The following FAM171B variants were observed in gnomAD, a reference collection of about 807,000 sequenced individuals.
The protein encoded by FAM171B is family with sequence similarity 171 member B, also known as protein FAM171B.
A neutral mutation model predicts 75.6 loss-of-function variants in FAM171B; 19 were observed. The ratio of observed to expected loss-of-function variants is 0.25; its 90% CI spans 0.18 to 0.37. The LOEUF is 0.37. Ranked by LOEUF, FAM171B falls within the 10% of genes least tolerant of loss-of-function variation. The pLI is 1.00. For missense variants in FAM171B, 848 were observed against 982.4 expected, an observed-to-expected ratio of 0.86 and a Z score of 1.83; for synonymous variants, 367 against 361.7, an observed-to-expected ratio of 1.01 and a Z score of -0.17.
At chr2:186,720,228 G>C (rs530892815) in intron 1 of FAM171B, among the ~76,000 whole-genome samples, 6 of 152,266 alleles carry the variant, frequency 3.9e-5, no homozygotes, top group African/African-American at 2.4e-5. Flanking sequence ...AGAAGAGATG[G>C]GGTTTCACCA....
At chr2:186,750,038 A>G (rs1253065646) in intron 4 of FAM171B, among the ~76,000 whole-genome samples, 2 of 152,190 alleles carry the variant, frequency 1.3e-5, no homozygotes, top group East Asian at 3.8e-4. Flanking sequence ...TGGGGCCCAT[A>G]TGAGTACATG....
chr2:186,758,292 G>A (rs1690564312), intron 6 of FAM171B, among the ~76,000 whole-genome samples: 2 of 152,134 alleles, frequency 1.3e-5, no homozygotes. Context: ...AAAATAAATG[G>A]TGAGGTGAGA....
chr2:186,758,129 A>G (rs1380161670), intron 6 of FAM171B, among the ~76,000 whole-genome samples: 2 of 121,904 alleles, frequency 1.6e-5, no homozygotes, highest in African/African-American at 6.0e-5. Flanking sequence ...GCGAAAACTG[A>G]GTGCTTATCG....
chr2:186,696,764 G>T (rs1194685108), intron 1 of FAM171B, among the ~76,000 whole-genome samples: 1 of 151,998 alleles, frequency 6.6e-6, no homozygotes, highest in Non-Finnish European at 1.5e-5. Context: ...GTAACTGACA[G>T]ACCTTTTCCT....
intron 3 of FAM171B, among the ~76,000 whole-genome samples, 177 bp downstream of exon 3, chr2:186,743,752 CT>C (rs1690327375): frequency 6.6e-6 from 1 of 152,140 alleles, no homozygotes; most frequent in African/African-American, 2.4e-5. Flanking sequence ...ATGGTGTGGG[CT>C]TTTTTGTATA....
intron 1 of FAM171B, among the ~76,000 whole-genome samples, chr2:186,731,918 C>T (rs1477252678): frequency 6.6e-6 from 1 of 152,196 alleles, no homozygotes; most frequent in Non-Finnish European, 1.5e-5. Context: ...TGATCTGTCA[C>T]TCTCTCCCAT....
chr2:186,706,106 C>A (rs1434867362), intron 1 of FAM171B, among the ~76,000 whole-genome samples: 4 of 152,102 alleles, frequency 2.6e-5, no homozygotes, highest in Non-Finnish European at 4.4e-5. Flanking sequence ...CTAATCCCTC[C>A]AGGCCTGATT....
rs1398445074 is a variant in FAM171B, at chr2:186,694,094, C to T, written c.-80C>T. 2.9e-6 allele frequency: 4 copies of T among 1,389,024 alleles called. No individual in the cohort carries two copies. Among genetic ancestry groups the T allele is most frequent in the Non-Finnish European group, 3.7e-6 (4 of 1,079,592 alleles). 86.0% of individuals were successfully genotyped at this position (1,389,024 alleles called of 1,614,324 possible). On this transcript the variant is annotated 5_prime_UTR_variant, in exon 1 of 8. Coordinates refer to ENST00000304698, the MANE Select transcript of FAM171B (RefSeq NM_177454.4). ...GCGAGGGGGAGCGAGCGAGCGGGCG[C>T]TGCCAGGAGCCCGCAGCCCTGGCGC...
At chr2:186,727,742 A>G (rs1690057347) in intron 1 of FAM171B, among the ~76,000 whole-genome samples, 1 of 152,134 alleles carries the variant, frequency 6.6e-6, no homozygotes, top group African/African-American at 2.4e-5. Flanking sequence ...TTAGAAAACA[A>G]TTGATATTAT....
At chr2:186,748,086 C>T (rs1478910636) in intron 4 of FAM171B, among the ~76,000 whole-genome samples, 3 of 152,056 alleles carry the variant, frequency 2.0e-5, no homozygotes, top group African/African-American at 7.2e-5. Context: ...CCACACCCAG[C>T]TAATCTTTTT....
intron 1 of FAM171B, 130 bp from the exon 2 acceptor site, chr2:186,740,098 A>C (rs1690265158): frequency 4.8e-6 from 3 of 619,700 alleles, no homozygotes; most frequent in South Asian, 4.5e-5. Flanking sequence ...TATTATATGT[A>C]TTTATGTGTA....
chr2:186,747,388 A>G, intron 4 of FAM171B, 138 bp downstream of exon 4: 1 of 467,748 alleles, frequency 2.1e-6, no homozygotes, highest in Non-Finnish European at 3.4e-6. Flanking sequence ...AAATCTAGTT[A>G]TTAAAATGTA....
chr2:186,731,097 T>C (rs1272490254), intron 1 of FAM171B, among the ~76,000 whole-genome samples: 1 of 152,240 alleles, frequency 6.6e-6, no homozygotes, highest in Non-Finnish European at 1.5e-5. Context: ...TATCATGTTT[T>C]TGGTACTCAA....
Position 186,694,356 on chromosome 2 carries a change from G to A in FAM171B, c.183G>A (p.Glu61=). The A allele has an allele frequency of 6.2e-7, 1 of 1,613,156 alleles. No homozygotes were observed. The highest frequency in any genetic ancestry group is 8.5e-7 in the Non-Finnish European group (1 of 1,179,624). ...QQQQQQKQLE[E]AEEERTEVPG... ...AACAACAGCAAAAGCAGCTGGAGGA[G>A]GCTGAGGAGGAGAGGACAGAGGTGC... Residue 61 remains glutamate (E), a synonymous_variant, in exon 1 of 8, where the codon GAG becomes GAA. Coordinates refer to ENST00000304698, the MANE Select transcript of FAM171B (RefSeq NM_177454.4).
chr2:186,740,940 A>G (rs1389886100), intron 2 of FAM171B, among the ~76,000 whole-genome samples: 1 of 152,218 alleles, frequency 6.6e-6, no homozygotes, highest in Non-Finnish European at 1.5e-5. Context: ...GGCAAAAATA[A>G]TCTTTAAAGA....
chr2:186,694,118 G>T lies in FAM171B; in HGVS notation c.-56G>T. ...GCTGCCAGGAGCCCGCAGCCCTGGC[G>T]CCCGCCGCCGCCCGGAGCCCCGCAA... On this transcript the variant is annotated 5_prime_UTR_variant, in exon 1 of 8. Transcript: ENST00000304698. The T allele has an allele frequency of 4.2e-6, 6 of 1,422,708 alleles. No homozygotes were observed. Among genetic ancestry groups the T allele is most frequent in the Admixed American group, 3.0e-5 (1 of 33,710 alleles). The allele number at this position is 1,422,708 out of a possible 1,614,324, so 88.1% of individuals were successfully genotyped here.
In FAM171B at chr2:186,761,493, C is replaced by T. The variant is rs77331466; in HGVS notation, c.1151C>T (p.Thr384Ile). ...TTCTACTCTAGGGACAAGTGTGGTA[C>T]TCCACAGAAAAGAGAAAGAAATATC... ...LLCYCRDKCG[T>I]PQKRERNITK... Residue 384 changes from threonine (T) to isoleucine (I), a missense_variant, in exon 8 of 8, where the codon ACT (threonine) becomes ATT (isoleucine). Thr to Ile is a moderately conservative substitution (Grantham distance 89). Coordinates refer to ENST00000304698, the MANE Select transcript of FAM171B (RefSeq NM_177454.4). The T allele has an allele frequency of 1.3e-6, 2 of 1,573,822 alleles. No homozygotes were observed. The highest frequency in any genetic ancestry group is 2.2e-5 in the East Asian group (1 of 44,676).
chr2:186,757,310 A>G (rs1036367981), intron 6 of FAM171B, among the ~76,000 whole-genome samples: 9 of 152,270 alleles, frequency 5.9e-5, no homozygotes, highest in Non-Finnish European at 1.2e-4. Flanking sequence ...CAAAGACCAC[A>G]TAATAGAACA....
intron 1 of FAM171B, among the ~76,000 whole-genome samples, chr2:186,700,642 AG>A (rs1331541713): frequency 2.0e-5 from 3 of 152,110 alleles, no homozygotes; most frequent in African/African-American, 7.2e-5. Context: ...TCTTCTGTTG[AG>A]GGGTATTTGG....
Sources: gnomAD v4.1 joint callset for allele counts (sites outside exome capture counted in the v4.1 genomes callset) on GRCh38, gnomAD v4.1.1 for gene constraint, MANE v1.5 for transcripts, NCBI Gene and HGNC (gene_info 2026-07-23, HGNC 2026-07-21) for gene names.